The following GRID1 variants were observed in gnomAD, a reference collection of about 807,000 sequenced individuals.
GRID1 encodes the protein glutamate ionotropic receptor delta type subunit 1, also known as glutamate receptor ionotropic, delta-1.
A neutral mutation model predicts 98.0 loss-of-function variants in GRID1; 28 were observed. The ratio of observed to expected loss-of-function variants is 0.29; its 90% CI spans 0.21 to 0.39. GRID1 has a LOEUF of 0.39. Ranked by LOEUF, GRID1 falls within the 10% of genes least tolerant of loss-of-function variation. The pLI, the probability that GRID1 is intolerant of heterozygous loss-of-function variation, is 1.00. For synonymous variants in GRID1, 553 were observed against 538.5 expected, an observed-to-expected ratio of 1.03 and a Z score of -0.37; for missense variants, 1,111 against 1,340.5, an observed-to-expected ratio of 0.83 and a Z score of 2.67.
chr10:85,925,850 C>A (rs1841767504), intron 4 of GRID1, among the ~76,000 whole-genome samples: 1 of 152,230 alleles, frequency 6.6e-6, no homozygotes. Context: ...TGCTGTGACC[C>A]CTTCAAATCA....
At chr10:86,307,389 A>G (rs1351466722) in intron 2 of GRID1, among the ~76,000 whole-genome samples, 2 of 152,242 alleles carry the variant, frequency 1.3e-5, no homozygotes, top group Non-Finnish European at 2.9e-5. Flanking sequence ...GCCATTTGCA[A>G]TAACATGGGT....
At chr10:86,230,616 C>T (rs1333732405) in intron 2 of GRID1, among the ~76,000 whole-genome samples, 1 of 152,230 alleles carries the variant, frequency 6.6e-6, no homozygotes, top group Non-Finnish European at 1.5e-5. Context: ...GTTCCCTGAA[C>T]ACATGTCACC....
At chr10:86,158,282 A>G (rs1209245628) in intron 3 of GRID1, among the ~76,000 whole-genome samples, 1 of 152,136 alleles carries the variant, frequency 6.6e-6, no homozygotes, top group Non-Finnish European at 1.5e-5. Flanking sequence ...CTCCCTACCA[A>G]TGAAAACACT....
chr10:86,313,857 C>T (rs1410245427), intron 2 of GRID1, among the ~76,000 whole-genome samples: 3 of 152,180 alleles, frequency 2.0e-5, no homozygotes, highest in Non-Finnish European at 4.4e-5. Flanking sequence ...GGCCTGTCGG[C>T]GCTTGTTGTT....
At chr10:85,629,819 T>C (rs996892511) in intron 13 of GRID1, among the ~76,000 whole-genome samples, 1 of 152,240 alleles carries the variant, frequency 6.6e-6, no homozygotes, top group African/African-American at 2.4e-5. Context: ...TAATTTACAC[T>C]CCCACCAGCA....
At chr10:86,013,663 A>T (rs1842945983) in intron 4 of GRID1, among the ~76,000 whole-genome samples, 1 of 152,216 alleles carries the variant, frequency 6.6e-6, no homozygotes, top group Admixed American at 6.5e-5. Flanking sequence ...GGTCCATAGC[A>T]ACTTTCTGTC....
At chr10:85,605,585 A>C (rs1842649172) in intron 15 of GRID1, 1 of 152,178 alleles carries the variant, frequency 6.6e-6, no homozygotes, top group Admixed American at 6.5e-5. Flanking sequence ...GAAGATGAAA[A>C]GAAAGAAAGT....
chr10:85,613,877 C>A (rs898626805), intron 14 of GRID1, among the ~76,000 whole-genome samples: 5 of 152,228 alleles, frequency 3.3e-5, no homozygotes, highest in South Asian at 2.1e-4. Flanking sequence ...AGCCCCTCTG[C>A]CCTCTCCCAC....
intron 5 of GRID1, among the ~76,000 whole-genome samples, chr10:85,901,134 C>T (rs550526369): frequency 6.6e-6 from 1 of 152,240 alleles, no homozygotes; most frequent in South Asian, 2.1e-4. Context: ...TTTTTATTTA[C>T]TAAAGTACAA....
chr10:85,623,228 C>G (rs944986487), intron 13 of GRID1, among the ~76,000 whole-genome samples: 2 of 152,168 alleles, frequency 1.3e-5, no homozygotes, highest in African/African-American at 4.8e-5. Context: ...CAGACATCTC[C>G]CCAGTTTCCA....
chr10:86,215,714 A>T (rs916428709), intron 2 of GRID1, among the ~76,000 whole-genome samples: 1 of 151,996 alleles, frequency 6.6e-6, no homozygotes, highest in African/African-American at 2.4e-5. Context: ...AGCCCACAAG[A>T]TGTCACCTCC....
intron 2 of GRID1, among the ~76,000 whole-genome samples, chr10:86,348,497 C>T (rs532590032): frequency 2.6e-5 from 4 of 152,310 alleles, no homozygotes; most frequent in Admixed American, 6.5e-5. Flanking sequence ...GGCCAGACCA[C>T]GAGGACTTGA....
intron 2 of GRID1, among the ~76,000 whole-genome samples, chr10:86,223,431 T>G (rs759992050): frequency 6.6e-6 from 1 of 152,172 alleles, no homozygotes; most frequent in African/African-American, 2.4e-5. Flanking sequence ...CTGGCACGCA[T>G]GCAGGCACAC....
At chr10:85,957,549 C>T (rs1444269424) in intron 4 of GRID1, among the ~76,000 whole-genome samples, 1 of 152,120 alleles carries the variant, frequency 6.6e-6, no homozygotes, top group Non-Finnish European at 1.5e-5. Context: ...GATGGAACTC[C>T]CCAAAATGAA....
chr10:86,001,711 T>C (rs1842804484), intron 4 of GRID1, among the ~76,000 whole-genome samples: 1 of 152,212 alleles, frequency 6.6e-6, no homozygotes, highest in African/African-American at 2.4e-5. Flanking sequence ...TTGTGGGAGA[T>C]GCCTGACAAT....
chr10:85,869,229 C>T (rs921083404), intron 5 of GRID1, 49 bp from the exon 6 acceptor site: 5 of 1,529,328 alleles, frequency 3.3e-6, no homozygotes, highest in Non-Finnish European at 3.6e-6. Context: ...TGAACTATCT[C>T]TGCAAGAGAC....
rs1219818615 is a variant in GRID1 at position 86,366,400 on chromosome 10, G to A, written c.-8C>T. The A allele has an allele frequency of 1.0e-5, 15 of 1,490,860 alleles. No individual in the cohort carries two copies. The highest frequency in any genetic ancestry group is 2.2e-4 in the Middle Eastern group (1 of 4,576). The allele number at this position is 1,490,860 out of a possible 1,614,324, so 92.4% of individuals were successfully genotyped here. The stretch of plus-strand genomic sequence containing the variant: ...CAGCGTCAGCGCTTCCATGTCCCCC[G>A]GGCGCGCGGCTCATCCACCCGGGCC... On this transcript the variant is annotated 5_prime_UTR_variant, in exon 1 of 16. Transcript: ENST00000327946. This position sits in a 1 kb window ranked among gnomAD's most constrained non-coding sequence, Gnocchi z 4.1.
intron 5 of GRID1, among the ~76,000 whole-genome samples, chr10:85,897,416 C>A (rs75625702): frequency 6.6e-6 from 1 of 152,176 alleles, no homozygotes; most frequent in Non-Finnish European, 1.5e-5. Flanking sequence ...CAGGAAACCT[C>A]CAGGGAAGAT....
chr10:86,307,474 G>A (rs557076953), intron 2 of GRID1, among the ~76,000 whole-genome samples: 1 of 152,248 alleles, frequency 6.6e-6, no homozygotes, highest in African/African-American at 2.4e-5. Flanking sequence ...ACTTATATGT[G>A]GAAATCTAAA....
Sources: gnomAD v4.1 joint callset for allele counts (sites outside exome capture counted in the v4.1 genomes callset) on GRCh38, gnomAD v4.1.1 for gene constraint, Gnocchi (gnomAD v3.1) non-coding constraint, MANE v1.5 for transcripts, NCBI Gene and HGNC (gene_info 2026-07-23, HGNC 2026-07-21) for gene names.